Variants in FRAS1 observed in about 807,000 individuals in gnomAD.
FRAS1 encodes the protein Fraser extracellular matrix complex subunit 1.
In FRAS1, 290 loss-of-function variants were observed where a neutral mutation model predicts 435.2. The ratio of observed to expected loss-of-function variants is 0.67; its 90% confidence interval spans 0.61 to 0.73. FRAS1 has a LOEUF of 0.73. Ranked by LOEUF, FRAS1 falls within the 30% of genes least tolerant of loss-of-function variation. FRAS1 has a pLI of 0.00. For missense variants in FRAS1, 4,860 were observed against 5,001.5 expected, an observed-to-expected ratio of 0.97 and a Z score of 0.85; for synonymous variants, 1,800 against 1,851.0, an observed-to-expected ratio of 0.97 and a Z score of 0.71.
chr4:78,504,680 T>G (rs1445441767), intron 61 of FRAS1, among the ~76,000 whole-genome samples: 2 of 152,210 alleles, frequency 1.3e-5, no homozygotes, highest in Non-Finnish European at 2.9e-5. Flanking sequence ...TTTATCCAAT[T>G]TGCCAGTCTA....
intron 2 of FRAS1, among the ~76,000 whole-genome samples, chr4:78,123,671 T>G (rs1037551317): frequency 1.3e-5 from 2 of 152,204 alleles, no homozygotes; most frequent in Non-Finnish European, 2.9e-5. Flanking sequence ...GGTTTGTAGT[T>G]CTCCTTGAAG....
intron 2 of FRAS1, among the ~76,000 whole-genome samples, chr4:78,113,097 G>A (rs911924477): frequency 1.5e-4 from 23 of 152,152 alleles, no homozygotes; most frequent in African/African-American, 5.1e-4. Flanking sequence ...TCATCCTTGC[G>A]ATAGTTTGCT....
At chr4:78,255,692 G>C (rs762403771) in intron 6 of FRAS1, among the ~76,000 whole-genome samples, 7 of 152,190 alleles carry the variant, frequency 4.6e-5, no homozygotes, top group Non-Finnish European at 7.3e-5. Context: ...ATTCAATAAT[G>C]TGATTAGATT....
chr4:78,346,514 G>A (rs987714294), intron 20 of FRAS1, among the ~76,000 whole-genome samples: 11 of 152,098 alleles, frequency 7.2e-5, no homozygotes, highest in African/African-American at 2.4e-4. Context: ...TGTGTCATCA[G>A]CCTTCATCAC....
In FRAS1 at chr4:78,397,475, C is replaced by T. The variant is rs551182923; in HGVS notation, c.3976-3259C>T. The stretch of plus-strand genomic sequence containing the variant: ...TCTGCATGGGCTCATGTGCACCATC[C>T]GAAGAGCCTGAATGTACTCTCTTCA... On this transcript the variant is annotated intron_variant, in intron 29 of 73. Coordinates refer to ENST00000512123, the MANE Select transcript of FRAS1 (RefSeq NM_025074.7). Among the ~76,000 whole-genome samples the T allele has an allele frequency of 8.1e-4, 124 of 152,258 alleles. 1 individual carries two copies. Among genetic ancestry groups the T allele is most frequent in the African/African-American group, 2.8e-3 (118 of 41,568 alleles).
intron 59 of FRAS1, among the ~76,000 whole-genome samples, chr4:78,494,391 G>A (rs1275784612): frequency 6.6e-6 from 1 of 152,120 alleles, no homozygotes; most frequent in Admixed American, 6.6e-5. Flanking sequence ...GAAACATGGT[G>A]CCAGCATCTG....
intron 20 of FRAS1, among the ~76,000 whole-genome samples, chr4:78,361,790 A>G (rs1358985433): frequency 6.6e-6 from 1 of 152,208 alleles, no homozygotes; most frequent in Non-Finnish European, 1.5e-5. Flanking sequence ...GTGGTGCATT[A>G]GCGAGTACAA....
At chr4:78,284,153 C>A (rs1727462522) in intron 12 of FRAS1, among the ~76,000 whole-genome samples, 1 of 148,834 alleles carries the variant, frequency 6.7e-6, no homozygotes, top group South Asian at 2.1e-4. Context: ...CTTTTAGTAT[C>A]TTCATGCTGG....
In FRAS1 at chr4:78,182,896, GAA is replaced by G. The variant is rs11431345; in HGVS notation, c.109-54604_109-54603del. Among the ~76,000 whole-genome samples, 82 of 137,694 alleles carry G rather than the reference GAA, an allele frequency of 6.0e-4. 1 individual carries two copies. Among genetic ancestry groups the G allele is most frequent in the Middle Eastern group, 3.8e-3 (1 of 260 alleles). 90.3% of individuals were successfully genotyped at this position (137,694 alleles called of 152,430 possible). Reference sequence around the variant, plus strand: ...CCCTGTCTCAAAAAAAAGAAAAAAAGAAAAAAAAAAATGCCCAGAGGACAGAG... The same window carrying G: ...CCCTGTCTCAAAAAAAAGAAAAAAAGAAAAAAAAATGCCCAGAGGACAGAG... On this transcript the variant is annotated intron_variant, in intron 2 of 73. Transcript: ENST00000512123.
intron 9 of FRAS1, among the ~76,000 whole-genome samples, chr4:78,269,391 C>G (rs926362151): frequency 1.4e-4 from 21 of 152,150 alleles, no homozygotes; most frequent in African/African-American, 4.8e-4. Context: ...TCAGTTCTAC[C>G]CCACTTTCTG....
At chr4:78,424,031 G>A (rs1169044340) in intron 34 of FRAS1, among the ~76,000 whole-genome samples, 1 of 152,050 alleles carries the variant, frequency 6.6e-6, no homozygotes, top group Non-Finnish European at 1.5e-5. Flanking sequence ...TTCTACAATG[G>A]AATTGACCCA....
chr4:78,278,769 G>A, intron 10 of FRAS1, 25 bp downstream of exon 10: 1 of 1,316,730 alleles, frequency 7.6e-7, no homozygotes, highest in African/African-American at 1.5e-5. Flanking sequence ...TATAACCGAA[G>A]ATGATTTCAA....
intron 34 of FRAS1, 98 bp from the exon 35 acceptor site, chr4:78,424,290 C>T (rs933198397): frequency 5.4e-6 from 3 of 557,006 alleles, no homozygotes; most frequent in Non-Finnish European, 6.2e-6. Flanking sequence ...TTAAAACATT[C>T]TTTAGCTTCC....
intron 33 of FRAS1, among the ~76,000 whole-genome samples, chr4:78,420,355 C>G (rs1414474890): frequency 6.6e-6 from 1 of 152,184 alleles, no homozygotes; most frequent in African/African-American, 2.4e-5. Flanking sequence ...CCCTTTCAAA[C>G]TAGCAGCCTG....
Position 78,413,947 on chromosome 4 carries a change from A to G in FRAS1, c.4425+862A>G, listed in dbSNP as rs556611422. The stretch of plus-strand genomic sequence containing the variant: ...CTCTTCCAGACAGAGCCGCAAGCAT[A>G]TAAGACCTTGTAAATTAATCATCAT... On this transcript the variant is annotated intron_variant, in intron 32 of 73. Coordinates refer to ENST00000512123, the MANE Select transcript of FRAS1 (RefSeq NM_025074.7). Among the ~76,000 whole-genome samples, 13 of 152,330 alleles carry G rather than the reference A, an allele frequency of 8.5e-5. No individual in the cohort carries two copies. The South Asian group carries it at 2.7e-3, about 32-fold the overall frequency.
At chr4:78,511,614 G>A in intron 64 of FRAS1, 108 bp downstream of exon 64, 4 of 904,502 alleles carry the variant, frequency 4.4e-6, no homozygotes, top group South Asian at 4.3e-5. Context: ...TGATAAAAAT[G>A]TGATGATGAA....
intron 25 of FRAS1, 25 bp downstream of exon 25, chr4:78,374,276 C>A: frequency 6.4e-7 from 1 of 1,550,476 alleles, no homozygotes; most frequent in Non-Finnish European, 8.8e-7. Context: ...GCTGATTATT[C>A]TGGAAAGAAG....
chr4:78,161,539 T>TA (rs1208803388), intron 2 of FRAS1, among the ~76,000 whole-genome samples: 15 of 151,988 alleles, frequency 9.9e-5, no homozygotes, highest in African/African-American at 3.6e-4. Context: ...AAGAATTCAA[T>TA]AAATGTTCAG....
intron 70 of FRAS1, among the ~76,000 whole-genome samples, chr4:78,533,011 G>C (rs1162673817): frequency 6.6e-6 from 1 of 152,172 alleles, no homozygotes; most frequent in Non-Finnish European, 1.5e-5. Context: ...AATAGGGATT[G>C]CTGGGTCATG....
Sources: gnomAD v4.1 joint callset for allele counts (sites outside exome capture counted in the v4.1 genomes callset) on GRCh38, gnomAD v4.1.1 for gene constraint, MANE v1.5 for transcripts, NCBI Gene and HGNC (gene_info 2026-07-23, HGNC 2026-07-21) for gene names.